The following RBM5 variants were observed in gnomAD, a reference collection of about 807,000 sequenced individuals.
RBM5 encodes RNA binding motif protein 5, also known as RNA-binding protein 5.
In RBM5, 15 loss-of-function variants were observed where a neutral mutation model predicts 124.6. The ratio of observed to expected loss-of-function variants is 0.12; its 90% CI spans 0.08 to 0.19. The LOEUF (loss-of-function observed/expected upper bound fraction) is 0.19, where lower values mean the gene tolerates loss of function less well. Among genes scored for constraint, RBM5 ranks in the 10% least tolerant of loss-of-function variants. The pLI is 1.00. For missense variants in RBM5, 580 were observed against 1,026.5 expected (o/e 0.57, Z 5.94); for synonymous variants, 337 against 361.2 (o/e 0.93, Z 0.76).
intron 17 of RBM5, chr3:50,113,168 T>G (rs2091179812): frequency 2.5e-6 from 1 of 400,386 alleles, no homozygotes; most frequent in Non-Finnish European, 4.5e-6. Flanking sequence ...ACTAAACTTT[T>G]TAAAGAAATC....
At chr3:50,103,016 C>T (rs1198743730) in intron 6 of RBM5, 67 bp from the exon 7 acceptor site, 4 of 1,293,918 alleles carry the variant, frequency 3.1e-6, no homozygotes, top group Admixed American at 3.4e-5. Flanking sequence ...CCGAAGTGTG[C>T]TCTGCCCTGG....
rs1478871657 is a variant in RBM5, at chr3:50,093,713, A to G, written c.184-7A>G. 6.2e-7 allele frequency: 1 copy of G among 1,611,040 alleles called. No individual in the cohort carries two copies. The highest frequency in any genetic ancestry group is 1.3e-5 in the African/African-American group (1 of 74,878). On this transcript the variant is annotated splice_polypyrimidine_tract_variant and splice_region_variant and intron_variant, in intron 3 of 24. Transcript: ENST00000347869. ...TGTTAATTGTGATTTTGTTTATTGT[A>G]ACTCAGAGAGAGCGTGAAAGAAGGA...
Position 50,115,438 on chromosome 3 carries a change from T to C in RBM5, c.1850T>C (p.Val617Ala). The stretch of plus-strand genomic sequence containing the variant: ...TCCTTTTGTCTCCAGAGGGGTCTGG[T>C]TGCTGCTTACAGTGGTGACAGTGAC... ...DEENPLKRGL[V>A]AAYSGDSDNE... The change falls in exon 21 of 25, where the codon GTT becomes GCT. Residue 617 changes from valine (V) to alanine (A), a missense_variant. This residue lies in a region of RBM5 where 234 missense variants were observed against 435.1 expected (regional missense o/e 0.54). Coordinates refer to ENST00000347869, the MANE Select transcript of RBM5 (RefSeq NM_005778.4). 6.2e-7 allele frequency: 1 copy of C among 1,613,876 alleles called. No homozygotes were observed.
intron 17 of RBM5, among the ~76,000 whole-genome samples, chr3:50,112,284 C>G (rs763116388): frequency 1.7e-3 from 262 of 149,990 alleles, no homozygotes; most frequent in Non-Finnish European, 2.1e-3. Flanking sequence ...AGCGTGGTGT[C>G]GAATGCCTGT....
rs2091073809 is a variant in RBM5 at position 50,108,156 on chromosome 3, A to AT, written c.1119+13dup. 1 of 1,607,568 alleles carries AT rather than the reference A, an allele frequency of 6.2e-7. No individual in the cohort carries two copies. Among genetic ancestry groups the AT allele is most frequent in the African/African-American group, 1.3e-5 (1 of 74,690 alleles). ...ATGCCCAATATGCTCAGGTAGGTAG[A>AT]TTTTAGCAGCATCCACCTTATAGTC... On this transcript the variant is annotated intron_variant, in intron 13 of 24. Coordinates refer to ENST00000347869, the MANE Select transcript of RBM5 (RefSeq NM_005778.4).
In RBM5 at chr3:50,104,971, C is replaced by T. The variant is rs769895086; in HGVS notation, c.629-106C>T. The T allele has an allele frequency of 9.4e-5, 81 of 865,894 alleles. No homozygotes were observed. In the South Asian group the frequency reaches 1.2e-3, roughly 13 times the overall value. 53.6% of individuals were successfully genotyped at this position (865,894 alleles called of 1,614,324 possible). A position where few individuals can be genotyped will look rare whatever the true frequency, so the allele number is the denominator to read the frequency against. ...CACAAATGCTTAAAAAAGAAAAAAA[C>T]GATTGTTTTGTGTGGTTAAAATAAA... On this transcript the variant is annotated intron_variant, in intron 8 of 24. Coordinates refer to ENST00000347869, the MANE Select transcript of RBM5 (RefSeq NM_005778.4).
intron 3 of RBM5, chr3:50,092,624 T>C (rs2090724854): frequency 2.8e-6 from 1 of 355,296 alleles, no homozygotes; most frequent in African/African-American, 2.1e-5. Flanking sequence ...CCATGTACTT[T>C]TGAGCACTTG....
At chr3:50,104,202 C>T in intron 7 of RBM5, 46 bp from the exon 8 acceptor site, 1 of 1,545,762 alleles carries the variant, frequency 6.5e-7, no homozygotes, top group Non-Finnish European at 8.9e-7. Flanking sequence ...ACTAGAAAGC[C>T]TGGCCTAATG....
intron 22 of RBM5, 105 bp from the exon 23 acceptor site, chr3:50,116,943 TTTCAGAGCAGTCTAAAAAAAGCATTC>T (rs2091264155): frequency 1.3e-6 from 1 of 778,884 alleles, no homozygotes; most frequent in Admixed American, 2.3e-5. Context: ...GAATTTGGTA[TTTCAGAGCAGTCTAAAAAAAGCATTC>T]TTCAGATTTA....
chr3:50,110,621 T>C, intron 16 of RBM5, 58 bp from the exon 17 acceptor site: 1 of 1,529,950 alleles, frequency 6.5e-7, no homozygotes, highest in Non-Finnish European at 9.0e-7. Flanking sequence ...GGCTTAGAAT[T>C]TGAAATAAAG....
chr3:50,110,855 C>T (rs1575330214), intron 17 of RBM5, 85 bp downstream of exon 17: 1 of 1,108,210 alleles, frequency 9.0e-7, no homozygotes, highest in East Asian at 2.5e-5. Context: ...ATATTTCCTG[C>T]AAAAGAATAT....
chr3:50,117,399 C>A lies in RBM5; in HGVS notation c.2322+20C>A. The A allele has an allele frequency of 6.2e-7, 1 of 1,612,580 alleles. No individual in the cohort carries two copies. The highest frequency in any genetic ancestry group is 1.1e-5 in the South Asian group (1 of 90,980). ...ATTGAGGTAAGCAGTGGGGTCAGGT[C>A]TTGATGTTTGCCAGGCTTACAGGCC... On this transcript the variant is annotated intron_variant, in intron 24 of 24. Transcript: ENST00000347869. This position sits in a 1 kb window ranked among gnomAD's most constrained non-coding sequence, Gnocchi z 4.2.
chr3:50,100,065 T>TA lies in RBM5; in HGVS notation c.409+15dup. 1 of 1,611,584 alleles carries TA rather than the reference T, an allele frequency of 6.2e-7. No individual in the cohort carries two copies. The highest frequency in any genetic ancestry group is 8.5e-7 in the Non-Finnish European group (1 of 1,178,388). ...AGAGGAAAACAGGTGAGAGCTTGCTTAGTTCCTGATATTATTGTTCTCTTC... is the reference window on the plus strand; with the variant it reads ...AGAGGAAAACAGGTGAGAGCTTGCTTAAGTTCCTGATATTATTGTTCTCTTC... On this transcript the variant is annotated intron_variant, in intron 5 of 24. Transcript: ENST00000347869. The surrounding 1 kb of genome is among the most constrained non-coding windows in gnomAD (Gnocchi z 5.1).
chr3:50,091,330 T>C (rs1237772652), intron 2 of RBM5, among the ~76,000 whole-genome samples: 1 of 152,230 alleles, frequency 6.6e-6, no homozygotes, highest in Non-Finnish European at 1.5e-5. Flanking sequence ...TGCCTTATGA[T>C]TGCACAGCAG....
chr3:50,116,978 TA>T, intron 22 of RBM5, 95 bp from the exon 23 acceptor site: 2 of 1,167,114 alleles, frequency 1.7e-6, no homozygotes, highest in Non-Finnish European at 2.5e-6. Context: ...TCTTCAGATT[TA>T]AAAATACTTG....
chr3:50,114,871 AAAAAAC>A (rs905645514), intron 20 of RBM5: 5 of 153,204 alleles, frequency 3.3e-5, no homozygotes, highest in African/African-American at 9.7e-5. Context: ...TTAAAAAAAA[AAAAAAC>A]AAAAACAGTC....
At chr3:50,106,373 C>T (rs2091031954) in intron 10 of RBM5, among the ~76,000 whole-genome samples, 1 of 152,044 alleles carries the variant, frequency 6.6e-6, no homozygotes, top group Admixed American at 6.6e-5. Flanking sequence ...ATCACCACCT[C>T]TGCCTCCCAA....
intron 4 of RBM5, among the ~76,000 whole-genome samples, chr3:50,097,858 T>C (rs2090852500): frequency 1.3e-5 from 2 of 152,214 alleles, no homozygotes; most frequent in Admixed American, 1.3e-4. Context: ...CCCAGCACTT[T>C]GGGAGGCCAA....
chr3:50,092,301 C>A, intron 3 of RBM5, 93 bp downstream of exon 3: 1 of 1,373,028 alleles, frequency 7.3e-7, no homozygotes, highest in East Asian at 2.4e-5. Context: ...GTGGCCCCTT[C>A]CCATAATCCT....
Sources: gnomAD v4.1 joint callset for allele counts (sites outside exome capture counted in the v4.1 genomes callset) on GRCh38, gnomAD v4.1.1 for gene constraint, gnomAD v4.1.1 regional missense constraint, Gnocchi (gnomAD v3.1) non-coding constraint, MANE v1.5 for transcripts, NCBI Gene and HGNC (gene_info 2026-07-23, HGNC 2026-07-21) for gene names.